The following JMJD1C variants were observed in gnomAD, a reference collection of about 807,000 sequenced individuals.
JMJD1C encodes jumonji domain-containing protein 1C.
A neutral mutation model predicts 245.3 loss-of-function variants in JMJD1C; 31 were observed. The ratio of observed to expected loss-of-function variants is 0.13; its 90% CI spans 0.09 to 0.17. The LOEUF (loss-of-function observed/expected upper bound fraction) is 0.17, where lower values mean the gene tolerates loss of function less well. Among genes scored for constraint, JMJD1C ranks in the 10% least tolerant of loss-of-function variants. JMJD1C has a pLI of 1.00. For missense variants in JMJD1C, 2,691 were observed against 3,000.2 expected, an observed-to-expected ratio of 0.90 and a Z score of 2.41; for synonymous variants, 1,057 against 1,017.4, an observed-to-expected ratio of 1.04 and a Z score of -0.74.
intron 2 of JMJD1C, among the ~76,000 whole-genome samples, chr10:63,305,240 C>T (rs370144688): frequency 1.3e-4 from 19 of 151,042 alleles, no homozygotes; most frequent in South Asian, 8.4e-4. Flanking sequence ...TGGTGGCACG[C>T]GCCTCTAGTC....
chr10:63,479,019 G>A (rs1354285429), intron 1 of JMJD1C, among the ~76,000 whole-genome samples: 1 of 152,126 alleles, frequency 6.6e-6, no homozygotes, highest in African/African-American at 2.4e-5. Context: ...CTTAATATAA[G>A]CAAGAATTGT....
At position 63,206,837 on chromosome 10, in the gene JMJD1C, T is replaced by A. The variant is rs777206872; in HGVS notation, c.4832A>T (p.Asp1611Val). The change falls in exon 10 of 26, where the codon GAT (aspartate) becomes GTT (valine). Residue 1611 changes from aspartate (D) to valine (V), a missense_variant. This residue lies in a region of JMJD1C where 144 missense variants were observed against 143.3 expected (regional missense o/e 1.00). Coordinates refer to ENST00000399262, the MANE Select transcript of JMJD1C (RefSeq NM_032776.3). Reference sequence around the variant, plus strand: ...TTTGGCTTTTCTCCTGTTGACTTTATCATCTTTTACATATTTATCAACTAT... The same window carrying A: ...TTTGGCTTTTCTCCTGTTGACTTTAACATCTTTTACATATTTATCAACTAT... The part of the protein sequence containing the change: ...KIIVDKYVKD[D>V]KVNRRKAKRT... 1.2e-6 allele frequency: 2 copies of A among 1,600,290 alleles called. No homozygotes were observed.
At chr10:63,272,443 G>T (rs1422330585) in intron 2 of JMJD1C, among the ~76,000 whole-genome samples, 2 of 152,082 alleles carry the variant, frequency 1.3e-5, no homozygotes, top group Non-Finnish European at 2.9e-5. Flanking sequence ...TAGAGACAGG[G>T]TTTCACCATG....
At chr10:63,442,954 A>G (rs1184768376) in intron 1 of JMJD1C, among the ~76,000 whole-genome samples, 1 of 152,202 alleles carries the variant, frequency 6.6e-6, no homozygotes, top group Non-Finnish European at 1.5e-5. Context: ...CACTACCCAG[A>G]GTTAGCATCA....
chr10:63,215,258 C>A lies in JMJD1C; in HGVS notation c.1015+5G>T, dbSNP rs1847846669. 1.2e-6 allele frequency: 2 copies of A among 1,606,832 alleles called. No homozygotes were observed. The highest frequency in any genetic ancestry group is 1.7e-6 in the Non-Finnish European group (2 of 1,176,760). Reference sequence around the variant, plus strand: ...CATTCCCTTAAAAAAAAAAGTGGGTCCTACCTCCTCGTGATATATAATCAT... The same window carrying A: ...CATTCCCTTAAAAAAAAAAGTGGGTACTACCTCCTCGTGATATATAATCAT... On this transcript the variant is annotated splice_donor_5th_base_variant and intron_variant, in intron 7 of 25. Coordinates refer to ENST00000399262, the MANE Select transcript of JMJD1C (RefSeq NM_032776.3).
rs1354865945 is a variant in JMJD1C at position 63,183,589 on chromosome 10, T to G, written c.6962-20A>C. The G allele has an allele frequency of 4.2e-6, 6 of 1,433,592 alleles. No homozygotes were observed. The highest frequency in any genetic ancestry group is 5.7e-6 in the Non-Finnish European group (6 of 1,054,508). 88.8% of individuals were successfully genotyped at this position (1,433,592 alleles called of 1,614,324 possible). On this transcript the variant is annotated intron_variant, in intron 21 of 25. Coordinates refer to ENST00000399262, the MANE Select transcript of JMJD1C (RefSeq NM_032776.3). ...CTACACCTGTATATAAAACAAAATT[T>G]TACTTGACAAAATATTTATATATAT...
chr10:63,428,544 G>A (rs1361656038), intron 1 of JMJD1C, among the ~76,000 whole-genome samples: 2 of 152,080 alleles, frequency 1.3e-5, no homozygotes, highest in African/African-American at 4.8e-5. Context: ...ACAGAAGCAG[G>A]GCTTTGGAAT....
At chr10:63,290,298 G>C (rs556159391) in intron 2 of JMJD1C, among the ~76,000 whole-genome samples, 3 of 152,184 alleles carry the variant, frequency 2.0e-5, no homozygotes, top group Non-Finnish European at 4.4e-5. Context: ...GCCAGGCGCG[G>C]TGGCTCACAC....
chr10:63,455,674 T>C (rs1337143480), intron 1 of JMJD1C, among the ~76,000 whole-genome samples: 1 of 152,134 alleles, frequency 6.6e-6, no homozygotes, highest in African/African-American at 2.4e-5. Context: ...AAGAACTGTG[T>C]AATCTAATTT....
chr10:63,274,334 G>A (rs746582492), intron 2 of JMJD1C, among the ~76,000 whole-genome samples: 15 of 152,180 alleles, frequency 9.9e-5, no homozygotes, highest in Admixed American at 2.0e-4. Context: ...GGAGGCGGAG[G>A]CAGGTGGATC....
intron 2 of JMJD1C, among the ~76,000 whole-genome samples, chr10:63,314,519 C>T (rs1939671596): frequency 6.6e-6 from 1 of 151,428 alleles, no homozygotes; most frequent in South Asian, 2.1e-4. Context: ...GTGATCATGC[C>T]ACTACAACCA....
At chr10:63,370,549 T>C (rs1405402175) in intron 2 of JMJD1C, among the ~76,000 whole-genome samples, 1 of 152,242 alleles carries the variant, frequency 6.6e-6, no homozygotes, top group Non-Finnish European at 1.5e-5. Context: ...CATATTATGC[T>C]ACCTTCCTTG....
rs1354236016 is a variant in JMJD1C at position 63,481,141 on chromosome 10, C to T, written n.113+40597G>A. On this transcript the variant is annotated intron_variant and non_coding_transcript_variant, in intron 1 of 3. Coordinates refer to the JMJD1C transcript ENST00000633035. The stretch of plus-strand genomic sequence containing the variant: ...CTGAGAAACTATAAGTATTTTTCTT[C>T]AGGAACTAAATAGGATTTCCTTGTA... Among the ~76,000 whole-genome samples, 3 of 152,168 alleles carry T rather than the reference C, an allele frequency of 2.0e-5. No homozygotes were observed. In the East Asian group the frequency reaches 5.8e-4, roughly 29 times the overall value.
chr10:63,206,649 G>A lies in JMJD1C; in HGVS notation c.5020C>T (p.Leu1674Phe). The A allele has an allele frequency of 6.2e-7, 1 of 1,609,070 alleles. No homozygotes were observed. The highest frequency in any genetic ancestry group is 2.2e-5 in the East Asian group (1 of 44,828). The change falls in exon 10 of 26, where the codon CTC becomes TTC. Residue 1674 changes from leucine (L) to phenylalanine (F), a missense_variant. Leu to Phe is a conservative substitution (Grantham distance 22, BLOSUM62 0). Coordinates refer to ENST00000399262, the MANE Select transcript of JMJD1C (RefSeq NM_032776.3). ...IEEDLKPNGV[L>F]SRSAKERSKL... ...CTTCTTTCTTTGGCACTCCTGCTGA[G>A]AACTCCATTGGGTTTCAAATCTTCT...
chr10:63,297,825 C>A (rs1021111663), intron 2 of JMJD1C, among the ~76,000 whole-genome samples: 15 of 152,152 alleles, frequency 9.9e-5, no homozygotes, highest in African/African-American at 3.6e-4. Flanking sequence ...AGAAACTCAC[C>A]CCCTCACTCG....
intron 1 of JMJD1C, among the ~76,000 whole-genome samples, chr10:63,490,560 T>TA (rs1337531811): frequency 1.3e-5 from 2 of 151,978 alleles, no homozygotes; most frequent in Non-Finnish European, 2.9e-5. Flanking sequence ...GGACTACAGA[T>TA]ACGCGCCACC....
At chr10:63,428,544 G>C (rs1361656038) in intron 1 of JMJD1C, among the ~76,000 whole-genome samples, 3 of 152,080 alleles carry the variant, frequency 2.0e-5, no homozygotes, top group African/African-American at 7.2e-5. Context: ...ACAGAAGCAG[G>C]GCTTTGGAAT....
Position 63,208,574 on chromosome 10 carries a change from A to C in JMJD1C, c.3095T>G (p.Val1032Gly). 6.2e-7 allele frequency: 1 copy of C among 1,614,068 alleles called. No individual in the cohort carries two copies. Among genetic ancestry groups the C allele is most frequent in the Non-Finnish European group, 8.5e-7 (1 of 1,179,918 alleles). The change falls in exon 10 of 26, where the codon GTT becomes GGT. Residue 1032 changes from valine to glycine, a missense_variant. Val to Gly is a moderately radical substitution (Grantham distance 109, BLOSUM62 -3). Transcript: ENST00000399262. ...HRRILQESID[V>G]APFTTKIKGL... ...CTTGATTTTAGTTGTAAAGGGAGCA[A>C]CATCAATACTTTCTTGAAGAATTCG...
chr10:63,341,475 A>G (rs961720178), intron 2 of JMJD1C, among the ~76,000 whole-genome samples: 6 of 152,248 alleles, frequency 3.9e-5, no homozygotes, highest in African/African-American at 1.4e-4. Flanking sequence ...GCATACATAA[A>G]TGTACACTTC....
Sources: allele counts gnomAD v4.1 joint callset (sites outside exome capture counted in the v4.1 genomes callset), GRCh38; gene constraint gnomAD v4.1.1; regional missense constraint gnomAD v4.1.1; transcripts MANE v1.5; gene names NCBI Gene and HGNC (gene_info 2026-07-23, HGNC 2026-07-21).